The following OR10J1 variants were observed in gnomAD, a reference collection of about 807,000 sequenced individuals.
OR10J1 encodes olfactory receptor 10J1.
For missense variants in OR10J1, 474 were observed against 376.6 expected, an observed-to-expected ratio of 1.26 and a Z score of -2.14; for synonymous variants, 202 against 143.8, an observed-to-expected ratio of 1.40 and a Z score of -2.89.
chr1:159,437,597 T>C (rs1655772788), upstream of OR10J1, among the ~76,000 whole-genome samples: 1 of 152,210 alleles, frequency 6.6e-6, no homozygotes, highest in East Asian at 1.9e-4. Context: ...TTATTTCAAC[T>C]TGAAGCAAAA....
chr1:159,421,520 T>C, the OR10J1 span, among the ~76,000 whole-genome samples: 2 of 152,236 alleles, frequency 1.3e-5, no homozygotes, highest in Non-Finnish European at 2.9e-5. Context: ...AGTTGCTTTT[T>C]CCAATTTTTT....
At chr1:159,419,895 G>T in the OR10J1 span, among the ~76,000 whole-genome samples, 1 of 151,962 alleles carries the variant, frequency 6.6e-6, no homozygotes, top group Non-Finnish European at 1.5e-5. Flanking sequence ...TTTCCTTCTG[G>T]ATGATCTATC....
upstream of OR10J1, among the ~76,000 whole-genome samples, chr1:159,439,054 C>T (rs1280872027): frequency 1.3e-5 from 2 of 152,202 alleles, no homozygotes; most frequent in African/African-American, 4.8e-5. Flanking sequence ...TAGTTTATAA[C>T]ATACGTGAAT....
chr1:159,431,198 G>C, the OR10J1 span, among the ~76,000 whole-genome samples: 1 of 152,144 alleles, frequency 6.6e-6, no homozygotes, highest in East Asian at 1.9e-4. Flanking sequence ...GAATGTTCTA[G>C]GTCAGCACAC....
the OR10J1 span, among the ~76,000 whole-genome samples, chr1:159,401,382 G>T: frequency 1.3e-5 from 2 of 151,840 alleles, no homozygotes; most frequent in African/African-American, 2.4e-5. Context: ...AAATAGAGAA[G>T]CTCTAAATAA....
rs80068748 is a variant in OR10J1 at position 159,439,920 on chromosome 1, C to A, written c.129C>A (p.Ile43=). The change falls in exon 1 of 1, where the codon ATC becomes ATA. Residue 43 remains isoleucine, a synonymous_variant. Coordinates refer to ENST00000423932, the MANE Select transcript of OR10J1 (RefSeq NM_012351.3). ...ALYILTLAGN[I]IIVTIIRMDL... ...ACATCTTAACCTTAGCAGGCAATAT[C>A]ATCATTGTGACCATCATCCGAATGG... 1.2e-3 allele frequency: 1,872 copies of A among 1,614,128 alleles called. 42 individuals carry two copies. In the East Asian group the frequency reaches 0.035, roughly 31 times the overall value.
upstream of OR10J1, chr1:159,437,714 G>C (rs937589773): frequency 3.9e-5 from 6 of 152,244 alleles, no homozygotes; most frequent in Admixed American, 6.5e-5. Flanking sequence ...CCCCAGGGGG[G>C]TGGCTGTCAG....
At chr1:159,410,603 G>T in the OR10J1 span, among the ~76,000 whole-genome samples, 3 of 150,888 alleles carry the variant, frequency 2.0e-5, no homozygotes, top group Admixed American at 6.6e-5. Context: ...TTCTTTATTA[G>T]TCTTGCTAGC....
chr1:159,439,456 A>C (rs1264786827), upstream of OR10J1, among the ~76,000 whole-genome samples: 1 of 152,170 alleles, frequency 6.6e-6, no homozygotes, highest in East Asian at 1.9e-4. Context: ...TCATCTCTGA[A>C]GAGTAGGAAA....
upstream of OR10J1, chr1:159,439,690 G>A (rs529981355): frequency 8.5e-6 from 12 of 1,416,296 alleles, no homozygotes; most frequent in Middle Eastern, 1.8e-4. Context: ...ATTTGTAACT[G>A]AGAACTATTG....
At chr1:159,439,458 A>T (rs1426202949), upstream of OR10J1, among the ~76,000 whole-genome samples, 1 of 152,178 alleles carries the variant, frequency 6.6e-6, no homozygotes, top group Non-Finnish European at 1.5e-5. Context: ...ATCTCTGAAG[A>T]GTAGGAAAGA....
the OR10J1 span, among the ~76,000 whole-genome samples, chr1:159,403,612 T>C: frequency 1.4e-4 from 21 of 151,994 alleles, no homozygotes; most frequent in African/African-American, 4.3e-4. Context: ...GACAAGACAA[T>C]AGCAAATGCT....
At chr1:159,408,374 C>T in the OR10J1 span, among the ~76,000 whole-genome samples, 2 of 148,342 alleles carry the variant, frequency 1.3e-5, no homozygotes, top group Admixed American at 6.9e-5. Flanking sequence ...AACAAAAAAC[C>T]AAACACCGCA....
chr1:159,436,262 C>A (rs1056856871), upstream of OR10J1, among the ~76,000 whole-genome samples: 5 of 152,036 alleles, frequency 3.3e-5, no homozygotes, highest in African/African-American at 4.8e-5. Flanking sequence ...AGATCATTTT[C>A]TTTGCTTCAT....
In OR10J1 at chr1:159,440,547, C is replaced by G; in HGVS notation, c.756C>G (p.Ser252Arg). The G allele has an allele frequency of 6.2e-7, 1 of 1,614,104 alleles. No individual in the cohort carries two copies. The highest frequency in any genetic ancestry group is 1.1e-5 in the South Asian group (1 of 91,068). Reference protein sequence around the residue: ...SHLTVVIVHYSCASIAYLKPK... With the variant: ...SHLTVVIVHYRCASIAYLKPK... ...TCACTGTGGTCATTGTCCACTACAG[C>G]TGTGCCTCCATTGCCTACCTCAAGC... is the stretch of plus-strand genomic sequence containing the variant. Residue 252 changes from serine to arginine, a missense_variant, in exon 1 of 1, where the codon AGC (serine) becomes AGG (arginine). Transcript: ENST00000423932.
the OR10J1 span, among the ~76,000 whole-genome samples, chr1:159,404,743 A>G: frequency 1.3e-5 from 2 of 152,126 alleles, no homozygotes; most frequent in Admixed American, 6.6e-5. Context: ...TCCAAATCCT[A>G]TCACTACAAC....
At chr1:159,433,135 T>G (rs1340087961), upstream of OR10J1, 1 of 415,660 alleles carries the variant, frequency 2.4e-6, no homozygotes, top group Non-Finnish European at 4.3e-6. Context: ...AGCCTCTCTC[T>G]TAGGTGCTGG....
chr1:159,430,855 A>G, the OR10J1 span, among the ~76,000 whole-genome samples: 1 of 152,198 alleles, frequency 6.6e-6, no homozygotes, highest in Non-Finnish European at 1.5e-5. Flanking sequence ...TAGTGACACT[A>G]TGAAGTAGAC....
At chr1:159,418,189 C>T in the OR10J1 span, among the ~76,000 whole-genome samples, 1 of 152,118 alleles carries the variant, frequency 6.6e-6, no homozygotes, top group African/African-American at 2.4e-5. Context: ...AAATTCAAGC[C>T]AGCTGGAGAA....
Sources: gnomAD v4.1 joint callset for allele counts (sites outside exome capture counted in the v4.1 genomes callset) on GRCh38, gnomAD v4.1.1 for gene constraint, MANE v1.5 for transcripts, NCBI Gene and HGNC (gene_info 2026-07-23, HGNC 2026-07-21) for gene names.